Variants in GALNT1 observed in about 807,000 individuals in gnomAD.
GALNT1 encodes polypeptide N-acetylgalactosaminyltransferase 1, also known as GalNAc transferase 1.
GALNT1 carries 17 observed loss-of-function variants against 65.7 expected under a neutral mutation model. The observed-to-expected ratio is 0.26, with a 90% CI of 0.18 to 0.39. The LOEUF is 0.39. GALNT1 is among the 10% of genes least tolerant of loss of function. GALNT1 has a pLI of 1.00. For missense variants in GALNT1, 460 were observed against 672.8 expected (o/e 0.68, Z 3.50); for synonymous variants, 210 against 219.7 (o/e 0.96, Z 0.39).
Position 35,648,184 on chromosome 18 carries a change from T to G in GALNT1, c.-103-6376T>G, listed in dbSNP as rs568033138. On this transcript the variant is annotated intron_variant, in intron 1 of 11. Transcript: ENST00000269195. ...GGATTGGATCAGAAGTTTACTGATA[T>G]GCAAATGGGCCCTGACTTAAGATTT... is the stretch of plus-strand genomic sequence containing the variant. Among the ~76,000 whole-genome samples the G allele has an allele frequency of 5.3e-5, 8 of 152,192 alleles. No homozygotes were observed. In the East Asian group the frequency reaches 1.5e-3, roughly 29 times the overall value.
At chr18:35,628,028 C>T (rs1044001707) in intron 1 of GALNT1, among the ~76,000 whole-genome samples, 1 of 152,162 alleles carries the variant, frequency 6.6e-6, no homozygotes, top group African/African-American at 2.4e-5. Flanking sequence ...GGGAGGGGCA[C>T]CCGCCATTGC....
intron 1 of GALNT1, among the ~76,000 whole-genome samples, chr18:35,635,666 T>C (rs980381756): frequency 2.6e-5 from 4 of 152,218 alleles, no homozygotes; most frequent in African/African-American, 9.6e-5. Context: ...AGTATGATAT[T>C]CTAAATGTAG....
chr18:35,675,275 G>T (rs2047694961), intron 3 of GALNT1, among the ~76,000 whole-genome samples: 1 of 152,154 alleles, frequency 6.6e-6, no homozygotes, highest in Admixed American at 6.5e-5. Flanking sequence ...GTGTGTGTTT[G>T]TACCTGTTCT....
At chr18:35,699,623 T>C (rs1444595464) in intron 9 of GALNT1, among the ~76,000 whole-genome samples, 2 of 152,218 alleles carry the variant, frequency 1.3e-5, no homozygotes, top group Non-Finnish European at 2.9e-5. Context: ...ATTTGTTCCT[T>C]AAACTTCAAA....
chr18:35,675,767 A>G (rs2144557978), intron 3 of GALNT1, among the ~76,000 whole-genome samples: 1 of 152,328 alleles, frequency 6.6e-6, no homozygotes, highest in African/African-American at 2.4e-5. Context: ...TACAATAATA[A>G]TAAGTAGGAT....
rs557565125 is a variant in GALNT1 at position 35,710,462 on chromosome 18, G to A, written c.*692G>A. 11 of 151,970 alleles carry A rather than the reference G, an allele frequency of 7.2e-5. No homozygotes were observed. Among genetic ancestry groups the A allele is most frequent in the African/African-American group, 2.7e-4 (11 of 41,376 alleles). 9.4% of individuals were successfully genotyped at this position (151,970 alleles called of 1,614,324 possible). A position where few individuals can be genotyped will look rare whatever the true frequency, so the allele number is the denominator to read the frequency against. On this transcript the variant is annotated 3_prime_UTR_variant, in exon 12 of 12. Transcript: ENST00000269195. ...ATGCTTTTATTTTCCTTGGGGTGCT[G>A]AAATTGAGCTGAAAAAAAAAGGCTC... is the stretch of plus-strand genomic sequence containing the variant.
upstream of GALNT1, chr18:35,581,607 G>C (rs2046315743): frequency 2.1e-5 from 1 of 47,548 alleles, no homozygotes; most frequent in Non-Finnish European, 4.2e-5. Context: ...GGGGCGGCCC[G>C]GAGTAGCGCC....
chr18:35,588,256 A>G (rs551832904), intron 1 of GALNT1, among the ~76,000 whole-genome samples: 1 of 152,260 alleles, frequency 6.6e-6, no homozygotes. Context: ...AAAAAATTAT[A>G]CCACTTTCTT....
intron 1 of GALNT1, among the ~76,000 whole-genome samples, chr18:35,595,666 A>G (rs2046496291): frequency 6.6e-6 from 1 of 152,218 alleles, no homozygotes; most frequent in Admixed American, 6.5e-5. Flanking sequence ...GAGTGGGACA[A>G]TAAGATAATT....
intron 2 of GALNT1, among the ~76,000 whole-genome samples, chr18:35,661,002 C>T (rs2047470377): frequency 6.6e-6 from 1 of 152,142 alleles, no homozygotes; most frequent in Admixed American, 6.5e-5. Context: ...CAAAATAGTG[C>T]ATCAGCAGGA....
chr18:35,678,476 A>C (rs1335779184), intron 4 of GALNT1, among the ~76,000 whole-genome samples: 1 of 152,176 alleles, frequency 6.6e-6, no homozygotes, highest in Admixed American at 6.5e-5. Context: ...CTGAATCCTT[A>C]CTAGAGATTT....
At chr18:35,586,137 C>T (rs2046375680) in intron 1 of GALNT1, among the ~76,000 whole-genome samples, 1 of 152,152 alleles carries the variant, frequency 6.6e-6, no homozygotes, top group Non-Finnish European at 1.5e-5. Flanking sequence ...CACCATTTAG[C>T]CATTCTGATA....
At chr18:35,652,025 CT>C (rs768694201) in intron 1 of GALNT1, among the ~76,000 whole-genome samples, 2,321 of 144,720 alleles carry the variant, frequency 0.016, 46 homozygotes, top group African/African-American at 0.045. Context: ...CATAAGTAGC[CT>C]TTTTTTTTTT....
At chr18:35,597,721 A>C (rs2046522881) in intron 1 of GALNT1, 1 of 152,276 alleles carries the variant, frequency 6.6e-6, no homozygotes, top group South Asian at 2.1e-4. Context: ...TTTTAAATGA[A>C]TTTGGATTCA....
Position 35,709,742 on chromosome 18 carries a change from G to T in GALNT1, c.1652G>T (p.Arg551Leu). 1 of 1,613,990 alleles carries T rather than the reference G, an allele frequency of 6.2e-7. No homozygotes were observed. The highest frequency in any genetic ancestry group is 1.3e-5 in the African/African-American group (1 of 74,990). Residue 551 changes from arginine to leucine, a missense_variant, in exon 12 of 12, where the codon CGA (arginine) becomes CTA (leucine). Coordinates refer to ENST00000269195, the MANE Select transcript of GALNT1 (RefSeq NM_020474.4). ...NGSRSQQWLL[R>L]NVTLPEIF Reference sequence around the variant, plus strand: ...AGTCGGTCCCAGCAGTGGCTTCTTCGAAACGTCACCCTGCCAGAAATATTC... The same window carrying T: ...AGTCGGTCCCAGCAGTGGCTTCTTCTAAACGTCACCCTGCCAGAAATATTC...
chr18:35,588,601 T>C (rs569801654), intron 1 of GALNT1, among the ~76,000 whole-genome samples: 14 of 152,200 alleles, frequency 9.2e-5, no homozygotes, highest in Non-Finnish European at 1.8e-4. Context: ...TTCCACATGT[T>C]TTTGAGGCTT....
At chr18:35,699,217 G>GT (rs1350347347) in intron 9 of GALNT1, among the ~76,000 whole-genome samples, 3 of 152,136 alleles carry the variant, frequency 2.0e-5, no homozygotes, top group African/African-American at 7.2e-5. Context: ...TCATAGGGAT[G>GT]TATCATATCA....
In GALNT1 at chr18:35,692,250, C is replaced by T. The variant is rs1445171030; in HGVS notation, c.1229C>T (p.Pro410Leu). ...CTAAGACACAAACTACAATGCAAAC[C>T]TTTTTCCTGGTACCTAGAGAATATA... The part of the protein sequence containing the change: ...VGLRHKLQCK[P>L]FSWYLENIYP... Residue 410 changes from proline to leucine, a missense_variant, in exon 9 of 12, where the codon CCT becomes CTT. By Grantham distance (98) the Pro-to-Leu change is moderately conservative. Coordinates refer to ENST00000269195, the MANE Select transcript of GALNT1 (RefSeq NM_020474.4). 9 of 1,607,446 alleles carry T rather than the reference C, an allele frequency of 5.6e-6. No individual in the cohort carries two copies. The highest frequency in any genetic ancestry group is 7.7e-6 in the Non-Finnish European group (9 of 1,174,622).
intron 1 of GALNT1, among the ~76,000 whole-genome samples, chr18:35,626,590 G>C (rs1196921115): frequency 2.0e-5 from 3 of 152,146 alleles, no homozygotes; most frequent in Non-Finnish European, 2.9e-5. Context: ...CACTGTAGTA[G>C]CAGAATACCC....
Sources: gnomAD v4.1 joint callset for allele counts (sites outside exome capture counted in the v4.1 genomes callset) on GRCh38, gnomAD v4.1.1 for gene constraint, MANE v1.5 for transcripts, NCBI Gene and HGNC (gene_info 2026-07-23, HGNC 2026-07-21) for gene names.